NTM: variants seen among roughly 807,000 people sequenced by gnomAD.
NTM encodes IgLON family member 2.
NTM carries 13 observed loss-of-function variants against 42.1 expected under a neutral mutation model. That is an observed-to-expected ratio of 0.31 (90% CI 0.20 to 0.49). NTM has a LOEUF of 0.49. Among genes scored for constraint, NTM ranks in the 20% least tolerant of loss-of-function variants. The pLI, the probability that NTM is intolerant of heterozygous loss-of-function variation, is 0.99. For missense variants in NTM, 373 were observed against 452.8 expected, an observed-to-expected ratio of 0.82 and a Z score of 1.60; for synonymous variants, 187 against 179.2, an observed-to-expected ratio of 1.04 and a Z score of -0.35.
At chr11:131,576,581 G>T (rs1045562501) in intron 1 of NTM, among the ~76,000 whole-genome samples, 1 of 152,058 alleles carries the variant, frequency 6.6e-6, no homozygotes, top group African/African-American at 2.4e-5. Flanking sequence ...TCAACGACTG[G>T]CAAAGACTGC....
chr11:131,918,975 A>G lies in NTM; in HGVS notation c.167+7327A>G, dbSNP rs541864673. 2.0e-5 allele frequency among the ~76,000 whole-genome samples: 3 copies of G among 152,306 alleles called. No individual in the cohort carries two copies. The South Asian group carries it at 6.2e-4, about 32-fold the overall frequency. ...TCACCTGGAGTTAGTAATACCATGA[A>G]CATTTCCACGTACTTCTCTGGAATG... On this transcript the variant is annotated intron_variant, in intron 2 of 8. Transcript: ENST00000683400.
chr11:132,070,109 CCGT>C (rs1306858103), intron 2 of NTM, among the ~76,000 whole-genome samples: 2 of 145,140 alleles, frequency 1.4e-5, no homozygotes. Flanking sequence ...GTCAAACTGA[CCGT>C]CACAGGTTAG....
At chr11:131,398,618 A>G (rs1944807427) in intron 1 of NTM, among the ~76,000 whole-genome samples, 2 of 152,246 alleles carry the variant, frequency 1.3e-5, no homozygotes, top group South Asian at 4.2e-4. Context: ...ATGTTGTTCT[A>G]ATTTTTTGCT....
At chr11:132,229,851 C>G (rs2087121966) in intron 4 of NTM, among the ~76,000 whole-genome samples, 1 of 152,222 alleles carries the variant, frequency 6.6e-6, no homozygotes, top group African/African-American at 2.4e-5. Context: ...GGCATGTTCA[C>G]TCAAGGAGCC....
At chr11:132,278,620 C>T (rs1397080501) in intron 4 of NTM, among the ~76,000 whole-genome samples, 1 of 152,100 alleles carries the variant, frequency 6.6e-6, no homozygotes, top group African/African-American at 2.4e-5. Flanking sequence ...GGAGGACTGT[C>T]AAAGTCAGTG....
At chr11:131,666,609 G>A (rs944474379) in intron 1 of NTM, among the ~76,000 whole-genome samples, 2 of 152,206 alleles carry the variant, frequency 1.3e-5, no homozygotes, top group Non-Finnish European at 2.9e-5. Context: ...TGAGATGGGA[G>A]ATGCCTATGA....
intron 1 of NTM, among the ~76,000 whole-genome samples, chr11:131,424,762 G>T (rs1473447300): frequency 3.6e-5 from 5 of 140,792 alleles, no homozygotes; most frequent in African/African-American, 1.1e-4. Context: ...GTAGAGACAG[G>T]GTTTCACCGT....
At chr11:131,956,766 C>A (rs1014041439) in intron 2 of NTM, among the ~76,000 whole-genome samples, 3 of 152,088 alleles carry the variant, frequency 2.0e-5, no homozygotes, top group East Asian at 1.9e-4. Flanking sequence ...AGTCAATGGC[C>A]TTCCTCTTCA....
intron 1 of NTM, chr11:131,795,041 G>C (rs537699557): frequency 4.8e-5 from 46 of 964,998 alleles, no homozygotes; most frequent in East Asian, 3.5e-4. Context: ...GTAGCCAAAG[G>C]GGGGGAAAAA....
chr11:131,426,813 G>A (rs1280861151), intron 1 of NTM, among the ~76,000 whole-genome samples: 1 of 152,152 alleles, frequency 6.6e-6, no homozygotes, highest in Non-Finnish European at 1.5e-5. Context: ...ATTTTCTTAA[G>A]TGTAAAGCAG....
intron 1 of NTM, among the ~76,000 whole-genome samples, chr11:131,433,174 T>C (rs1489047203): frequency 6.6e-6 from 1 of 152,100 alleles, no homozygotes; most frequent in Non-Finnish European, 1.5e-5. Context: ...CTTAAACCTG[T>C]CCCATCACAT....
chr11:132,042,878 T>G (rs2077390878), intron 2 of NTM, among the ~76,000 whole-genome samples: 1 of 152,226 alleles, frequency 6.6e-6, no homozygotes, highest in East Asian at 1.9e-4. Context: ...AGACAGTATC[T>G]CTTGTTCATC....
At chr11:131,638,786 G>T (rs932945932) in intron 1 of NTM, among the ~76,000 whole-genome samples, 2 of 151,450 alleles carry the variant, frequency 1.3e-5, no homozygotes, top group African/African-American at 4.9e-5. Context: ...CAATCTGTTT[G>T]GTCTCAGGTA....
intron 3 of NTM, among the ~76,000 whole-genome samples, chr11:132,181,357 A>G (rs2077552450): frequency 6.6e-6 from 1 of 152,232 alleles, no homozygotes; most frequent in South Asian, 2.1e-4. Flanking sequence ...TGATTTAGGC[A>G]GTCATCCTGC....
At chr11:131,563,482 A>G (rs1308331690) in intron 1 of NTM, among the ~76,000 whole-genome samples, 1 of 146,570 alleles carries the variant, frequency 6.8e-6, no homozygotes, top group Non-Finnish European at 1.5e-5. Context: ...CCCTTTCTTC[A>G]CTTTCTTCCC....
intron 2 of NTM, among the ~76,000 whole-genome samples, chr11:131,993,833 C>T (rs1232689714): frequency 1.3e-5 from 2 of 151,820 alleles, no homozygotes; most frequent in Non-Finnish European, 2.9e-5. Flanking sequence ...GAAACCCCAT[C>T]TCTACTAAAA....
intron 3 of NTM, among the ~76,000 whole-genome samples, chr11:132,173,322 G>A (rs142158057): frequency 2.0e-5 from 3 of 152,274 alleles, no homozygotes; most frequent in African/African-American, 7.2e-5. Context: ...AACCCAGAAG[G>A]GTTAAATAAT....
At chr11:131,574,791 A>G (rs1592097168) in intron 1 of NTM, among the ~76,000 whole-genome samples, 1 of 152,092 alleles carries the variant, frequency 6.6e-6, no homozygotes, top group Non-Finnish European at 1.5e-5. Flanking sequence ...CAGGCTTTGA[A>G]TGGAAAGCAG....
intron 1 of NTM, chr11:131,795,758 A>G: frequency 1.0e-6 from 1 of 985,276 alleles, no homozygotes; most frequent in Non-Finnish European, 1.2e-6. Flanking sequence ...AGGTCATGAT[A>G]CTGCCTTGTG....
Sources: allele counts gnomAD v4.1 joint callset (sites outside exome capture counted in the v4.1 genomes callset), GRCh38; gene constraint gnomAD v4.1.1; transcripts MANE v1.5; gene names NCBI Gene and HGNC (gene_info 2026-07-23, HGNC 2026-07-21).